The following FYCO1 variants were observed in gnomAD, a reference collection of about 807,000 sequenced individuals.
FYCO1 encodes the protein FYVE and coiled-coil domain autophagy adaptor 1.
A neutral mutation model predicts 165.1 loss-of-function variants in FYCO1; 122 were observed. The ratio of observed to expected loss-of-function variants is 0.74; its 90% CI spans 0.64 to 0.86. FYCO1 has a LOEUF of 0.86. FYCO1 is among the 40% of genes least tolerant of loss of function. The probability of loss-of-function intolerance (pLI) is 0.00; values close to 1 mark genes in which losing one functional copy is unlikely to be tolerated. For synonymous variants in FYCO1, 648 were observed against 742.5 expected (o/e 0.87, Z 2.07); for missense variants, 1,702 against 1,810.3 (o/e 0.94, Z 1.09).
intron 14 of FYCO1, chr3:45,947,539 TG>T (rs780691580): frequency 6.3e-7 from 1 of 1,583,262 alleles, no homozygotes. Flanking sequence ...GAAGCTGCTC[TG>T]GAATTTGCAA....
intron 16 of FYCO1, among the ~76,000 whole-genome samples, chr3:45,925,612 A>G (rs1559438583): frequency 6.6e-6 from 1 of 152,218 alleles, no homozygotes; most frequent in South Asian, 2.1e-4. Flanking sequence ...TCTAAACTCT[A>G]CATGTTGGGT....
chr3:45,984,430 G>T (rs1444825009), intron 2 of FYCO1, among the ~76,000 whole-genome samples: 2 of 152,232 alleles, frequency 1.3e-5, no homozygotes, highest in African/African-American at 4.8e-5. Context: ...CCAGGACCCA[G>T]TTGGGCAGCA....
rs953895626 is a variant in FYCO1 at position 45,967,872 on chromosome 3, C to T, written c.1462G>A (p.Ala488Thr). ...TGTTTTTTCTCCCGCCTCAACTCTGCTAGCTCCTCCTCCCAGGAGCTCGTG... is the reference window on the plus strand; with the variant it reads ...TGTTTTTTCTCCCGCCTCAACTCTGTTAGCTCCTCCTCCCAGGAGCTCGTG... ...AHTSSWEEEL[A>T]ELRREKKQQQ... The change falls in exon 8 of 18, where the codon GCA (alanine) becomes ACA (threonine). Residue 488 changes from alanine to threonine, a missense_variant. By Grantham distance (58) the Ala-to-Thr change is moderately conservative (BLOSUM62 0). Transcript: ENST00000296137. The T allele has an allele frequency of 9.9e-6, 16 of 1,614,022 alleles. No individual in the cohort carries two copies. In the East Asian group the frequency reaches 3.3e-4, roughly 34 times the overall value.
chr3:45,980,479 G>A (rs182913395), intron 3 of FYCO1, among the ~76,000 whole-genome samples: 3 of 152,172 alleles, frequency 2.0e-5, no homozygotes, highest in African/African-American at 4.8e-5. Flanking sequence ...TTTCAATATC[G>A]TTTTAATACA....
In FYCO1 at chr3:45,962,626, C is replaced by T. The variant is rs1319253117; in HGVS notation, c.3270-234G>A. Among the ~76,000 whole-genome samples, 3 of 152,168 alleles carry T rather than the reference C, an allele frequency of 2.0e-5. No individual in the cohort carries two copies. The highest frequency in any genetic ancestry group is 7.2e-5 in the African/African-American group (3 of 41,430). On this transcript the variant is annotated intron_variant, in intron 10 of 17. Transcript: ENST00000296137. The surrounding 1 kb of genome is among the most constrained non-coding windows in gnomAD (Gnocchi z 4.4). The stretch of plus-strand genomic sequence containing the variant: ...GGCTGACCCCAGGTTGCCAGAAGCA[C>T]CCTAAGTGAATAGAACTCTGCACCC...
intron 14 of FYCO1, chr3:45,946,688 C>T: frequency 6.2e-7 from 1 of 1,614,222 alleles, no homozygotes; most frequent in Non-Finnish European, 8.5e-7. Context: ...CGGATGTGTT[C>T]CTGGTGAACC....
chr3:45,993,532 ACTT>A lies in FYCO1; in HGVS notation c.-113+2187_-113+2189del, dbSNP rs1707655704. Reference sequence around the variant, plus strand: ...GATAGAGGCTCTTATACCAATAAAGACTTCTTATTTTCTTGAAACTGGCATTGA... The same window carrying A: ...GATAGAGGCTCTTATACCAATAAAGACTTATTTTCTTGAAACTGGCATTGA... On this transcript the variant is annotated intron_variant, in intron 1 of 17. Transcript: ENST00000296137. This position sits in a 1 kb window ranked among gnomAD's most constrained non-coding sequence, Gnocchi z 4.4. Among the ~76,000 whole-genome samples the A allele has an allele frequency of 1.3e-5, 2 of 152,334 alleles. No homozygotes were observed. Among genetic ancestry groups the A allele is most frequent in the African/African-American group, 2.4e-5 (1 of 41,568 alleles).
chr3:45,938,408 TAA>T (rs952150775), intron 14 of FYCO1, among the ~76,000 whole-genome samples: 4 of 152,362 alleles, frequency 2.6e-5, no homozygotes, highest in Non-Finnish European at 5.9e-5. Flanking sequence ...TGACCAACAT[TAA>T]AAGAGAAATA....
At chr3:45,986,599 T>G (rs1202798953) in intron 1 of FYCO1, among the ~76,000 whole-genome samples, 1 of 152,142 alleles carries the variant, frequency 6.6e-6, no homozygotes, top group Non-Finnish European at 1.5e-5. Context: ...AACAGACACA[T>G]GCCCGTACCA....
At chr3:45,981,733 A>T in intron 2 of FYCO1, 57 bp from the exon 3 acceptor site, 1 of 1,212,086 alleles carries the variant, frequency 8.3e-7, no homozygotes, top group East Asian at 2.3e-5. Context: ...CAGACAGAGA[A>T]GCAGAAATAA....
At position 45,932,864 on chromosome 3, in the gene FYCO1, T is replaced by C. The variant is rs952242590; in HGVS notation, c.4041-1583A>G. Among the ~76,000 whole-genome samples the C allele has an allele frequency of 9.2e-5, 14 of 152,324 alleles. No homozygotes were observed. In the East Asian group the frequency reaches 2.7e-3, roughly 29 times the overall value. The stretch of plus-strand genomic sequence containing the variant: ...ATTTTCAAGAATCTGAGGGCAGGTT[T>C]GGGGGGTCCATTCTGGAACAGACAT... On this transcript the variant is annotated intron_variant, in intron 15 of 17. Transcript: ENST00000296137.
intron 13 of FYCO1, among the ~76,000 whole-genome samples, chr3:45,956,876 T>C (rs1705360598): frequency 6.6e-6 from 1 of 152,182 alleles, no homozygotes; most frequent in Non-Finnish European, 1.5e-5. Flanking sequence ...GGATTTTTTG[T>C]AGAAATTGAC....
At chr3:45,987,504 A>C (rs1385663638) in intron 1 of FYCO1, among the ~76,000 whole-genome samples, 1 of 152,238 alleles carries the variant, frequency 6.6e-6, no homozygotes, top group African/African-American at 2.4e-5. Context: ...AAAAGTGAAC[A>C]GGCAGTCACT....
intron 15 of FYCO1, among the ~76,000 whole-genome samples, chr3:45,934,316 C>T (rs1279166327): frequency 6.6e-6 from 1 of 152,014 alleles, no homozygotes; most frequent in Admixed American, 6.6e-5. Context: ...TAGGAAAAAC[C>T]CAAAGAAATT....
intron 4 of FYCO1, among the ~76,000 whole-genome samples, chr3:45,978,952 G>A (rs1373776560): frequency 6.6e-6 from 1 of 151,722 alleles, no homozygotes; most frequent in South Asian, 2.1e-4. Context: ...CGCCTCCCGG[G>A]TTCACGCCAT....
chr3:45,962,984 G>A lies in FYCO1; in HGVS notation c.3270-592C>T, dbSNP rs1211659044. 6.6e-5 allele frequency among the ~76,000 whole-genome samples: 10 copies of A among 152,132 alleles called. No individual in the cohort carries two copies. The East Asian group carries it at 1.3e-3, about 21-fold the overall frequency. On this transcript the variant is annotated intron_variant, in intron 10 of 17. Coordinates refer to ENST00000296137, the MANE Select transcript of FYCO1 (RefSeq NM_024513.4). The surrounding 1 kb of genome is among the most constrained non-coding windows in gnomAD (Gnocchi z 4.4). ...TAGCAGAGGGAGCTGGCTGAATCTC[G>A]CTGTCTTCCTCACCCCACCCACTCC...
chr3:45,933,405 A>G (rs1703729382), intron 15 of FYCO1, among the ~76,000 whole-genome samples: 2 of 152,158 alleles, frequency 1.3e-5, no homozygotes, highest in Admixed American at 1.3e-4. Context: ...CTTGCATTTT[A>G]TTCCCATGTC....
Position 45,981,633 on chromosome 3 carries a change from T to C in FYCO1, c.99A>G (p.Glu33=), listed in dbSNP as rs1364245710. Residue 33 remains glutamate, a synonymous_variant, in exon 3 of 18, where the codon GAA becomes GAG. Coordinates refer to ENST00000296137, the MANE Select transcript of FYCO1 (RefSeq NM_024513.4). The part of the protein sequence containing the change: ...ELSKEFQEAG[E]PITDDSTSLH... The stretch of plus-strand genomic sequence containing the variant: ...AGCTGGTGCTGTCATCCGTGATGGG[T>C]TCCCCTGCTTCCTGAAATTCTTTGC... 1 of 1,613,956 alleles carries C rather than the reference T, an allele frequency of 6.2e-7. No homozygotes were observed. Among genetic ancestry groups the C allele is most frequent in the East Asian group, 2.2e-5 (1 of 44,900 alleles).
chr3:45,981,705 C>A (rs1416642183), intron 2 of FYCO1, 29 bp from the exon 3 acceptor site: 1 of 1,451,974 alleles, frequency 6.9e-7, no homozygotes, highest in Non-Finnish European at 9.7e-7. Context: ...GAACATGTAA[C>A]CAGATAGTGA....
Sources: gnomAD v4.1 joint callset for allele counts (sites outside exome capture counted in the v4.1 genomes callset) on GRCh38, gnomAD v4.1.1 for gene constraint, Gnocchi (gnomAD v3.1) non-coding constraint, MANE v1.5 for transcripts, NCBI Gene and HGNC (gene_info 2026-07-23, HGNC 2026-07-21) for gene names.